The following ZNF841 variants were observed in gnomAD, a reference collection of about 807,000 sequenced individuals.
ZNF841 encodes zinc finger protein 841.
A neutral mutation model predicts 13.0 loss-of-function variants in ZNF841; 11 were observed. The observed-to-expected ratio is 0.85, with a 90% CI of 0.53 to 1.40. ZNF841 has a LOEUF of 1.40. Among genes scored for constraint, ZNF841 ranks in the 40% most tolerant of loss-of-function variants. The probability of loss-of-function intolerance (pLI) is 0.00; values close to 1 mark genes in which losing one functional copy is unlikely to be tolerated. For missense variants in ZNF841, 1,068 were observed against 1,139.5 expected (o/e 0.94, Z 0.90); for synonymous variants, 369 against 381.6 (o/e 0.97, Z 0.38).
rs1476311804 is a variant in ZNF841 at position 52,076,188 on chromosome 19, G to A, written c.143-16C>T. ...AGACAGAGTCCTGCTTATAAAAAAA[G>A]AAAGAAGATGTCCCACGGTTTTTCC... On this transcript the variant is annotated splice_polypyrimidine_tract_variant and intron_variant, in intron 5 of 6. Coordinates refer to ENST00000594440, the MANE Select transcript of ZNF841 (RefSeq NM_001136499.2). 6 of 1,549,046 alleles carry A rather than the reference G, an allele frequency of 3.9e-6. No individual in the cohort carries two copies. Among genetic ancestry groups the A allele is most frequent in the Non-Finnish European group, 5.2e-6 (6 of 1,146,206 alleles).
At chr19:52,062,783 C>A (rs1390744215), downstream of ZNF841, among the ~76,000 whole-genome samples, 1 of 151,880 alleles carries the variant, frequency 6.6e-6, no homozygotes, top group East Asian at 1.9e-4. Flanking sequence ...GTTATTTTAC[C>A]GTATGTATCA....
At position 52,077,047 on chromosome 19, in the gene ZNF841, G is replaced by C. The variant is rs2087924874; in HGVS notation, c.53C>G (p.Ser18Cys). The C allele has an allele frequency of 6.2e-7, 1 of 1,612,872 alleles. No homozygotes were observed. The highest frequency in any genetic ancestry group is 2.2e-5 in the East Asian group (1 of 44,832). Residue 18 changes from serine to cysteine, a missense_variant, in exon 5 of 7, where the codon TCT (serine) becomes TGT (cysteine). Ser to Cys is a moderately radical substitution (Grantham distance 112, BLOSUM62 -1). Coordinates refer to ENST00000594440, the MANE Select transcript of ZNF841 (RefSeq NM_001136499.2). ...LTFRDVAVEF[S>C]QEEWKCLDPV... ...GTCCAGGCATTTCCACTCCTCCTGA[G>C]AGAATTCTACAGCCACATCCCTGAA...
intron 6 of ZNF841, among the ~76,000 whole-genome samples, chr19:52,074,209 A>C (rs2087824032): frequency 6.6e-6 from 1 of 152,228 alleles, no homozygotes; most frequent in South Asian, 2.1e-4. Context: ...CCCCAACACA[A>C]CACTACCACA....
chr19:52,086,658 G>T (rs1205011743), intron 3 of ZNF841, among the ~76,000 whole-genome samples: 2 of 152,196 alleles, frequency 1.3e-5, no homozygotes, highest in African/African-American at 4.8e-5. Context: ...ACAAGAAGAG[G>T]TTCAAGGACT....
downstream of ZNF841, among the ~76,000 whole-genome samples, chr19:52,061,835 C>G (rs1293036364): frequency 6.6e-6 from 1 of 152,136 alleles, no homozygotes; most frequent in African/African-American, 2.4e-5. Flanking sequence ...CGTGAGCCAC[C>G]GTGCCAAACC....
intron 1 of ZNF841, among the ~76,000 whole-genome samples, chr19:52,094,639 C>A (rs2088612128): frequency 6.6e-6 from 1 of 152,064 alleles, no homozygotes; most frequent in African/African-American, 2.4e-5. Flanking sequence ...TCTCTAGCAC[C>A]CCCAATTTCC....
In ZNF841 at chr19:52,065,885, G is replaced by A; in HGVS notation, c.1997C>T (p.Ser666Leu). Residue 666 changes from serine (S) to leucine (L), a missense_variant, in exon 7 of 7, where the codon TCA (serine) becomes TTA (leucine). By Grantham distance (145) the Ser-to-Leu change is moderately radical. Transcript: ENST00000594440. ...NDCGKAYTQRSSLTKHLVIHT... is the reference protein window; with the variant it reads ...NDCGKAYTQRLSLTKHLVIHT... ...AATTACCAGATGTTTAGTGAGGCTTGAACGCTGAGTATAGGCTTTGCCACA... is the reference window on the plus strand; with the variant it reads ...AATTACCAGATGTTTAGTGAGGCTTAAACGCTGAGTATAGGCTTTGCCACA... 1 of 1,614,168 alleles carries A rather than the reference G, an allele frequency of 6.2e-7. No individual in the cohort carries two copies. The highest frequency in any genetic ancestry group is 8.5e-7 in the Non-Finnish European group (1 of 1,180,022).
intron 1 of ZNF841, among the ~76,000 whole-genome samples, chr19:52,094,282 T>A (rs2123406047): frequency 6.6e-6 from 1 of 152,308 alleles, no homozygotes; most frequent in South Asian, 2.1e-4. Flanking sequence ...CAAATCAGAG[T>A]ATAAAGCCAC....
chr19:52,077,194 A>AT, intron 4 of ZNF841, 110 bp from the exon 5 acceptor site: 1 of 1,268,340 alleles, frequency 7.9e-7, no homozygotes, highest in Admixed American at 2.7e-5. Context: ...GTGTTTTGAC[A>AT]TATCCATTAA....
chr19:52,088,806 G>C (rs1600104880), intron 3 of ZNF841, 131 bp downstream of exon 3: 1 of 152,104 alleles, frequency 6.6e-6, no homozygotes, highest in Non-Finnish European at 1.5e-5. Flanking sequence ...TCATTGTTTG[G>C]TGCAATACGA....
At chr19:52,093,069 T>C (rs529562825) in intron 2 of ZNF841, among the ~76,000 whole-genome samples, 15 of 152,214 alleles carry the variant, frequency 9.9e-5, no homozygotes, top group African/African-American at 3.6e-4. Context: ...TGAGCTGAGA[T>C]TGCACCATTG....
rs561322199 is a variant in ZNF841, at chr19:52,067,353, T to C, written c.529A>G (p.Asn177Asp). The change falls in exon 7 of 7, where the codon AAC becomes GAC. Residue 177 changes from asparagine to aspartate, a missense_variant. By Grantham distance (23) the Asn-to-Asp change is conservative. Coordinates refer to ENST00000594440, the MANE Select transcript of ZNF841 (RefSeq NM_001136499.2). ...ATAAGCTGATTTTCCATATGCTTGT[T>C]TTCTACGTCCCCTTGACTATGTCGA... ...RVRHSQGDVE[N>D]KHMENQLILR... is the part of the protein sequence containing the mutation. The C allele has an allele frequency of 2.5e-5, 39 of 1,550,664 alleles. No homozygotes were observed. Among genetic ancestry groups the C allele is most frequent in the Middle Eastern group, 3.3e-4 (2 of 5,988 alleles).
chr19:52,087,945 C>A (rs2088335651), intron 3 of ZNF841, among the ~76,000 whole-genome samples: 1 of 151,588 alleles, frequency 6.6e-6, no homozygotes, highest in Admixed American at 6.6e-5. Context: ...CCAATGAGAC[C>A]CCAACATCTT....
At chr19:52,082,738 C>G (rs543212235) in intron 4 of ZNF841, among the ~76,000 whole-genome samples, 1 of 152,252 alleles carries the variant, frequency 6.6e-6, no homozygotes, top group Admixed American at 6.5e-5. Context: ...TTAGAAATTG[C>G]TCCAAAGAGG....
rs141572905 is a variant in ZNF841, at chr19:52,093,006, C to T, written c.-144+840G>A. Among the ~76,000 whole-genome samples the T allele has an allele frequency of 1.8e-3, 280 of 152,272 alleles. 1 individual carries two copies. Among genetic ancestry groups the T allele is most frequent in the African/African-American group, 6.3e-3 (261 of 41,542 alleles). On this transcript the variant is annotated intron_variant, in intron 2 of 6. Transcript: ENST00000594440. Reference sequence around the variant, plus strand: ...TGGCGGGTGCCTGTAATATCAGCTACTCGGGAGGCTGAGGCAGGAGAATCA... The same window carrying T: ...TGGCGGGTGCCTGTAATATCAGCTATTCGGGAGGCTGAGGCAGGAGAATCA...
At position 52,076,130 on chromosome 19, in the gene ZNF841, T is replaced by C. The variant is rs1377515431; in HGVS notation, c.185A>G (p.Gln62Arg). The C allele has an allele frequency of 1.9e-6, 3 of 1,557,024 alleles. No individual in the cohort carries two copies. Among genetic ancestry groups the C allele is most frequent in the Non-Finnish European group, 2.6e-6 (3 of 1,149,754 alleles). Reference protein sequence around the residue: ...PDLNIISMLEQGKEPWTVVSQ... With the variant: ...PDLNIISMLERGKEPWTVVSQ... ...CACCACAGTCCAGGGCTCTTTCCCT[T>C]GCTCCAACATGGAGATAATATTCAG... Residue 62 changes from glutamine to arginine, a missense_variant, in exon 6 of 7, where the codon CAA (glutamine) becomes CGA (arginine). Gln to Arg is a conservative substitution (Grantham distance 43, BLOSUM62 1). Coordinates refer to ENST00000594440, the MANE Select transcript of ZNF841 (RefSeq NM_001136499.2).
In ZNF841 at chr19:52,084,767, C is replaced by T; in HGVS notation, c.15+20G>A. On this transcript the variant is annotated intron_variant, in intron 4 of 6. Transcript: ENST00000594440. Reference sequence around the variant, plus strand: ...CAAAAAGGGAGGAGACAGAACAATCCACCAAGATTATCACTTTACCTGAGG... The same window carrying T: ...CAAAAAGGGAGGAGACAGAACAATCTACCAAGATTATCACTTTACCTGAGG... The T allele has an allele frequency of 6.2e-7, 1 of 1,613,172 alleles. No individual in the cohort carries two copies. Among genetic ancestry groups the T allele is most frequent in the Non-Finnish European group, 8.5e-7 (1 of 1,179,546 alleles).
At chr19:52,069,696 C>T (rs2087686671) in intron 6 of ZNF841, among the ~76,000 whole-genome samples, 1 of 152,152 alleles carries the variant, frequency 6.6e-6, no homozygotes, top group Non-Finnish European at 1.5e-5. Flanking sequence ...ATGACAATCT[C>T]TCTGCCACAT....
chr19:52,062,464 T>C (rs1351077527), downstream of ZNF841, among the ~76,000 whole-genome samples: 14 of 152,170 alleles, frequency 9.2e-5, no homozygotes, highest in Non-Finnish European at 1.8e-4. Flanking sequence ...TTCTCCACCA[T>C]ATTCCATGCT....
Sources: gnomAD v4.1 joint callset for allele counts (sites outside exome capture counted in the v4.1 genomes callset) on GRCh38, gnomAD v4.1.1 for gene constraint, MANE v1.5 for transcripts, NCBI Gene and HGNC (gene_info 2026-07-23, HGNC 2026-07-21) for gene names.